The following RGS17 variants were observed in gnomAD, a reference collection of about 807,000 sequenced individuals.
RGS17 encodes the protein regulator of G protein signaling 17, also known as regulator of G-protein signaling 17.
In RGS17, 12 loss-of-function variants were observed where a neutral mutation model predicts 25.5. That is an observed-to-expected ratio of 0.47 (90% CI 0.30 to 0.76). The LOEUF is 0.76. Ranked by LOEUF, RGS17 falls within the 30% of genes least tolerant of loss-of-function variation. The pLI, the probability that RGS17 is intolerant of heterozygous loss-of-function variation, is 0.07. For synonymous variants in RGS17, 71 were observed against 76.9 expected, an observed-to-expected ratio of 0.92 and a Z score of 0.40; for missense variants, 196 against 242.2, an observed-to-expected ratio of 0.81 and a Z score of 1.27.
intron 4 of RGS17, among the ~76,000 whole-genome samples, chr6:153,020,069 A>G: frequency 7.3e-6 from 1 of 137,620 alleles, no homozygotes; most frequent in African/African-American, 2.7e-5. Flanking sequence ...CCAAGAACAG[A>G]AGTTATGTCA....
At chr6:153,029,792 T>C (rs112793574) in intron 2 of RGS17, among the ~76,000 whole-genome samples, 3,703 of 152,250 alleles carry the variant, frequency 0.024, 138 homozygotes, top group African/African-American at 0.083. Flanking sequence ...GGTTTCACCA[T>C]GTTGGTCAGG....
intron 1 of RGS17, among the ~76,000 whole-genome samples, chr6:153,113,150 G>T (rs776568854): frequency 6.6e-6 from 1 of 151,994 alleles, no homozygotes; most frequent in African/African-American, 2.4e-5. Flanking sequence ...GAAGAATCAC[G>T]ACCCAACAGT....
chr6:153,053,675 A>T (rs1260841510), intron 1 of RGS17, among the ~76,000 whole-genome samples: 3 of 151,564 alleles, frequency 2.0e-5, no homozygotes, highest in African/African-American at 4.8e-5. Flanking sequence ...AGTCCTAGGT[A>T]CTTGCTACTT....
chr6:153,110,332 G>A (rs562655280), intron 1 of RGS17, among the ~76,000 whole-genome samples: 15 of 151,774 alleles, frequency 9.9e-5, no homozygotes, highest in Admixed American at 3.3e-4. Context: ...ATTCTGATGA[G>A]CTTCTCTCTA....
At chr6:153,112,160 C>A (rs1777480309) in intron 1 of RGS17, among the ~76,000 whole-genome samples, 1 of 151,910 alleles carries the variant, frequency 6.6e-6, no homozygotes, top group Non-Finnish European at 1.5e-5. Context: ...CATGTTCTAA[C>A]CCAATATAAG....
chr6:153,071,684 A>G (rs1019060628), intron 1 of RGS17, among the ~76,000 whole-genome samples: 1 of 152,136 alleles, frequency 6.6e-6, no homozygotes, highest in Admixed American at 6.6e-5. Flanking sequence ...GGTTTAGAGA[A>G]ATAATAACCA....
chr6:153,019,942 C>T (rs922521117), intron 4 of RGS17, among the ~76,000 whole-genome samples: 2 of 151,180 alleles, frequency 1.3e-5, no homozygotes, highest in Admixed American at 6.6e-5. Flanking sequence ...TCTTTATTAT[C>T]TTCATTTGTT....
intron 1 of RGS17, among the ~76,000 whole-genome samples, chr6:153,129,489 T>C (rs954536378): frequency 2.0e-5 from 3 of 152,220 alleles, no homozygotes; most frequent in Admixed American, 6.5e-5. Context: ...CTGGCAGTTG[T>C]GAATCGAGGA....
chr6:153,094,926 T>C (rs1047276305), intron 1 of RGS17, among the ~76,000 whole-genome samples: 2 of 151,968 alleles, frequency 1.3e-5, no homozygotes, highest in Non-Finnish European at 2.9e-5. Context: ...ACATTCACAA[T>C]ATAATTGTGA....
chr6:153,021,752 C>T (rs138751382), intron 4 of RGS17, among the ~76,000 whole-genome samples: 7 of 151,988 alleles, frequency 4.6e-5, no homozygotes, highest in African/African-American at 1.2e-4. Context: ...TATTAAAGAA[C>T]GGGTAATGGC....
chr6:153,025,008 C>G (rs1779284832), intron 3 of RGS17, among the ~76,000 whole-genome samples: 1 of 151,854 alleles, frequency 6.6e-6, no homozygotes, highest in Admixed American at 6.6e-5. Context: ...ACATATTTTC[C>G]TAAACTTTAA....
intron 1 of RGS17, among the ~76,000 whole-genome samples, chr6:153,092,018 T>C (rs1194719244): frequency 6.6e-6 from 1 of 152,184 alleles, no homozygotes; most frequent in Non-Finnish European, 1.5e-5. Context: ...AGAAATGCGA[T>C]GTCCAGATTC....
intron 1 of RGS17, 23 bp from the exon 2 acceptor site, chr6:153,044,066 T>A (rs760390867): frequency 8.3e-7 from 1 of 1,202,600 alleles, no homozygotes; most frequent in Non-Finnish European, 1.2e-6. Flanking sequence ...AAACAAAAAA[T>A]TGGGTATGAA....
chr6:153,049,846 T>G (rs1208969822), intron 1 of RGS17, among the ~76,000 whole-genome samples: 1 of 152,166 alleles, frequency 6.6e-6, no homozygotes, highest in Admixed American at 6.5e-5. Flanking sequence ...ATTCTAAAAC[T>G]TACATGGAAG....
chr6:153,051,992 C>A (rs1004915690), intron 1 of RGS17, among the ~76,000 whole-genome samples: 1 of 152,102 alleles, frequency 6.6e-6, no homozygotes, highest in African/African-American at 2.4e-5. Context: ...TTTTCAGCTG[C>A]AAACATGATC....
chr6:153,068,281 A>G (rs1197640930), intron 1 of RGS17, among the ~76,000 whole-genome samples: 1 of 127,248 alleles, frequency 7.9e-6, no homozygotes, highest in Non-Finnish European at 1.6e-5. Context: ...CCCCATTGCT[A>G]CTAAAAATAC....
At chr6:153,048,745 T>G (rs1324127790) in intron 1 of RGS17, among the ~76,000 whole-genome samples, 2 of 152,238 alleles carry the variant, frequency 1.3e-5, no homozygotes, top group East Asian at 3.8e-4. Context: ...GAAGCCTTCA[T>G]GACCATCTTA....
At chr6:153,075,490 C>T (rs536799617) in intron 1 of RGS17, among the ~76,000 whole-genome samples, 245 of 152,240 alleles carry the variant, frequency 1.6e-3, no homozygotes, top group African/African-American at 5.7e-3. Flanking sequence ...AGATGTGTCA[C>T]CTAGAGAAAA....
Position 153,130,485 on chromosome 6 carries a change from C to CACAT in RGS17, c.-26+638_-26+639insATGT, listed in dbSNP as rs1777771215. Among the ~76,000 whole-genome samples the CACAT allele has an allele frequency of 4.0e-5, 2 of 50,068 alleles. No homozygotes were observed. The highest frequency in any genetic ancestry group is 8.1e-5 in the Non-Finnish European group (2 of 24,796). The allele number at this position is 50,068 out of a possible 152,430, so 32.8% of individuals were successfully genotyped here. A position where few individuals can be genotyped will look rare whatever the true frequency, so the allele number is the denominator to read the frequency against. Reference sequence around the variant, plus strand: ...CACCCCCTATACATACATACACATACACACACACACACACACACACACACC... The same window carrying CACAT: ...CACCCCCTATACATACATACACATACACATACACACACACACACACACACACACC... On this transcript the variant is annotated intron_variant, in intron 1 of 4. Coordinates refer to ENST00000206262, the MANE Select transcript of RGS17 (RefSeq NM_012419.5). This position sits in a 1 kb window ranked among gnomAD's most constrained non-coding sequence, Gnocchi z 6.4.
Sources: gnomAD v4.1 joint callset for allele counts (sites outside exome capture counted in the v4.1 genomes callset) on GRCh38, gnomAD v4.1.1 for gene constraint, Gnocchi (gnomAD v3.1) non-coding constraint, MANE v1.5 for transcripts, NCBI Gene and HGNC (gene_info 2026-07-23, HGNC 2026-07-21) for gene names.